PARD6G: variants seen among roughly 807,000 people sequenced by gnomAD.
PARD6G encodes the protein par-6 family cell polarity regulator gamma, also known as partitioning defective 6 homolog gamma.
Under a neutral mutation model 10.7 loss-of-function variants are expected in PARD6G, and 7 were observed. The observed-to-expected ratio is 0.66, with a 90% CI of 0.37 to 1.23. The LOEUF (loss-of-function observed/expected upper bound fraction) is 1.23, where lower values mean the gene tolerates loss of function less well. Among genes scored for constraint, PARD6G ranks in the 50% most tolerant of loss-of-function variants. The pLI, the probability that PARD6G is intolerant of heterozygous loss-of-function variation, is 0.02. For synonymous variants in PARD6G, 287 were observed against 269.4 expected, an observed-to-expected ratio of 1.07 and a Z score of -0.64; for missense variants, 548 against 571.8, an observed-to-expected ratio of 0.96 and a Z score of 0.42.
intron 1 of PARD6G, among the ~76,000 whole-genome samples, chr18:80,213,278 C>T (rs1967126761): frequency 6.6e-6 from 1 of 152,186 alleles, no homozygotes; most frequent in Admixed American, 6.5e-5. Context: ...AGCTCTGATA[C>T]ATTCCAGAGA....
rs887312430 is a variant in PARD6G, at chr18:80,182,923, C to T, written c.295+19787G>A. The T allele has an allele frequency of 2.4e-5, 14 of 593,924 alleles. No individual in the cohort carries two copies. Among genetic ancestry groups the T allele is most frequent in the Non-Finnish European group, 3.9e-5 (13 of 332,918 alleles). The allele number at this position is 593,924 out of a possible 1,614,324, so 36.8% of individuals were successfully genotyped here. ...AGATGTTTGGCTGAAGCTGCGTGTGCCACAACACTGCAGGCCCCACACCAC... is the reference window on the plus strand; with the variant it reads ...AGATGTTTGGCTGAAGCTGCGTGTGTCACAACACTGCAGGCCCCACACCAC... On this transcript the variant is annotated intron_variant, in intron 2 of 2. Transcript: ENST00000353265. The surrounding 1 kb of genome is among the most constrained non-coding windows in gnomAD (Gnocchi z 4.5).
At chr18:80,205,320 T>C (rs939292394) in intron 1 of PARD6G, among the ~76,000 whole-genome samples, 8 of 152,242 alleles carry the variant, frequency 5.3e-5, no homozygotes, top group African/African-American at 1.9e-4. Context: ...ATCAGTTTTA[T>C]GCGGTATCTT....
In PARD6G at chr18:80,202,659, T is replaced by A. The variant is rs530861685; in HGVS notation, c.295+51A>T. ...GACAGAAAAAATTGAAAACTGTATT[T>A]TAAAAATGATTTCTCAACAAGACCA... On this transcript the variant is annotated intron_variant, in intron 2 of 2. Transcript: ENST00000353265. The A allele has an allele frequency of 2.0e-6, 3 of 1,533,344 alleles. No individual in the cohort carries two copies. In the South Asian group the frequency reaches 3.4e-5, roughly 17 times the overall value. 95.0% of individuals were successfully genotyped at this position (1,533,344 alleles called of 1,614,324 possible).
At chr18:80,186,775 T>TGATTGAA (rs1418057206) in intron 2 of PARD6G, among the ~76,000 whole-genome samples, 1 of 152,196 alleles carries the variant, frequency 6.6e-6, no homozygotes, top group Non-Finnish European at 1.5e-5. Context: ...ATCTCCCTGC[T>TGATTGAA]AATCAGTATC....
intron 1 of PARD6G, among the ~76,000 whole-genome samples, chr18:80,208,027 T>C (rs904518141): frequency 6.6e-6 from 1 of 152,044 alleles, no homozygotes; most frequent in Non-Finnish European, 1.5e-5. Flanking sequence ...GATAGTGGTA[T>C]CAAATCACTG....
chr18:80,198,828 G>A (rs926649679), intron 2 of PARD6G, among the ~76,000 whole-genome samples: 1 of 152,202 alleles, frequency 6.6e-6, no homozygotes, highest in Admixed American at 6.5e-5. Context: ...CAGATCCAGG[G>A]GTCTGATCAT....
intron 1 of PARD6G, among the ~76,000 whole-genome samples, chr18:80,213,819 G>A (rs190159028): frequency 7.2e-5 from 11 of 152,012 alleles, no homozygotes; most frequent in African/African-American, 1.9e-4. Flanking sequence ...TTAACCAGGC[G>A]TGGTGGCGGG....
Position 80,164,402 on chromosome 18 carries a change from G to A in PARD6G, c.296-3796C>T, listed in dbSNP as rs1318208754. Among the ~76,000 whole-genome samples the A allele has an allele frequency of 3.9e-5, 6 of 152,158 alleles. No individual in the cohort carries two copies. In the East Asian group the frequency reaches 7.7e-4, roughly 20 times the overall value. On this transcript the variant is annotated intron_variant, in intron 2 of 2. Coordinates refer to ENST00000353265, the MANE Select transcript of PARD6G (RefSeq NM_032510.4). ...CTGTGAGGGGCGTTGCCTCTGTGAT[G>A]TGCTCTCCATGTGTCTAAAAGGCTC...
chr18:80,177,216 G>T (rs2052815919), intron 2 of PARD6G, among the ~76,000 whole-genome samples: 1 of 48,168 alleles, frequency 2.1e-5, no homozygotes. Context: ...TAAATGGGAA[G>T]CGCACACACA....
chr18:80,202,646 T>C (rs1967018363), intron 2 of PARD6G, 64 bp downstream of exon 2: 46 of 1,459,358 alleles, frequency 3.2e-5, no homozygotes, highest in Non-Finnish European at 4.0e-5. Context: ...CAGAAAAAAT[T>C]GAAAACTGTA....
intron 1 of PARD6G, among the ~76,000 whole-genome samples, chr18:80,233,107 G>A (rs988840172): frequency 3.3e-5 from 5 of 152,150 alleles, no homozygotes; most frequent in East Asian, 1.9e-4. Context: ...GTGGGGCTTC[G>A]TCAACATACC....
chr18:80,232,547 C>T (rs1967371219), intron 1 of PARD6G, among the ~76,000 whole-genome samples: 1 of 152,068 alleles, frequency 6.6e-6, no homozygotes, highest in Non-Finnish European at 1.5e-5. Context: ...CTGATAAAAC[C>T]ATCAGATCTC....
chr18:80,223,595 A>G (rs1599872090), intron 1 of PARD6G, among the ~76,000 whole-genome samples: 1 of 152,208 alleles, frequency 6.6e-6, no homozygotes, highest in African/African-American at 2.4e-5. Context: ...GGGAATCTTA[A>G]CCCTCACACA....
intron 2 of PARD6G, among the ~76,000 whole-genome samples, chr18:80,193,816 A>G (rs990855869): frequency 6.6e-6 from 1 of 152,182 alleles, no homozygotes; most frequent in Non-Finnish European, 1.5e-5. Context: ...CCTGCCACAC[A>G]CCATCATGAG....
chr18:80,246,513 C>T lies in PARD6G; in HGVS notation c.72+764G>A, dbSNP rs1221198943. 7.0e-6 allele frequency among the ~76,000 whole-genome samples: 1 copy of T among 143,582 alleles called. No homozygotes were observed. The highest frequency in any genetic ancestry group is 1.5e-5 in the Non-Finnish European group (1 of 65,306). 94.2% of individuals were successfully genotyped at this position (143,582 alleles called of 152,430 possible). ...GGGTGGTCTGGGTACGGGTCTGATCCGGGGGCGCGCTCGGGAGGGGTCTGG... is the reference window on the plus strand; with the variant it reads ...GGGTGGTCTGGGTACGGGTCTGATCTGGGGGCGCGCTCGGGAGGGGTCTGG... On this transcript the variant is annotated intron_variant, in intron 1 of 2. Coordinates refer to ENST00000353265, the MANE Select transcript of PARD6G (RefSeq NM_032510.4). This position sits in a 1 kb window ranked among gnomAD's most constrained non-coding sequence, Gnocchi z 6.7.
chr18:80,196,709 C>CGCCCTGGAGGACA (rs1966959031), intron 2 of PARD6G, among the ~76,000 whole-genome samples: 1 of 152,028 alleles, frequency 6.6e-6, no homozygotes. Context: ...TTCATGTGGG[C>CGCCCTGGAGGACA]GCCCTGGAGG....
chr18:80,224,316 A>G, intron 1 of PARD6G, among the ~76,000 whole-genome samples: 1 of 152,180 alleles, frequency 6.6e-6, no homozygotes, highest in East Asian at 1.9e-4. Flanking sequence ...GTTTAAACAA[A>G]TCAGAGCATG....
intron 2 of PARD6G, chr18:80,197,572 T>C (rs1966969649): frequency 6.6e-6 from 1 of 152,202 alleles, no homozygotes; most frequent in Non-Finnish European, 1.5e-5. Context: ...TTCGGTGTAA[T>C]TAAGCCTTCA....
rs373691977 is a variant in PARD6G at position 80,232,352 on chromosome 18, G to C, written c.72+14925C>G. On this transcript the variant is annotated intron_variant, in intron 1 of 2. Transcript: ENST00000353265. The stretch of plus-strand genomic sequence containing the variant: ...CTGCAGTCCTGGGCCTGTGCTCCTT[G>C]CATGTATTAGTCCGTTTTCACGCTG... 2.0e-5 allele frequency among the ~76,000 whole-genome samples: 3 copies of C among 152,128 alleles called. No homozygotes were observed. In the East Asian group the frequency reaches 5.8e-4, roughly 29 times the overall value.
Sources: gnomAD v4.1 joint callset for allele counts (sites outside exome capture counted in the v4.1 genomes callset) on GRCh38, gnomAD v4.1.1 for gene constraint, Gnocchi (gnomAD v3.1) non-coding constraint, MANE v1.5 for transcripts, NCBI Gene and HGNC (gene_info 2026-07-23, HGNC 2026-07-21) for gene names.